The following GUCY1A2 variants were observed in gnomAD, a reference collection of about 807,000 sequenced individuals.
GUCY1A2 encodes the protein guanylate cyclase soluble subunit alpha-2.
GUCY1A2 carries 27 observed loss-of-function variants against 63.5 expected under a neutral mutation model. That is an observed-to-expected ratio of 0.43 (90% CI 0.31 to 0.59). The LOEUF is 0.59. GUCY1A2 is among the 20% of genes least tolerant of loss of function. The pLI is 0.11. For missense variants in GUCY1A2, 768 were observed against 913.3 expected (o/e 0.84, Z 2.05); for synonymous variants, 364 against 343.5 (o/e 1.06, Z -0.66).
intron 6 of GUCY1A2, among the ~76,000 whole-genome samples, chr11:106,741,975 G>T (rs1863702460): frequency 6.6e-6 from 1 of 152,118 alleles, no homozygotes; most frequent in Non-Finnish European, 1.5e-5. Context: ...TGTATAACAA[G>T]GCTGTTCATT....
chr11:106,925,159 G>A (rs1015476779), intron 4 of GUCY1A2, among the ~76,000 whole-genome samples: 1 of 151,256 alleles, frequency 6.6e-6, no homozygotes, highest in Non-Finnish European at 1.5e-5. Flanking sequence ...GTTTTCAAAA[G>A]AGAGAGAGAG....
intron 4 of GUCY1A2, among the ~76,000 whole-genome samples, chr11:106,898,176 T>G (rs1325379916): frequency 6.6e-6 from 1 of 152,042 alleles, no homozygotes; most frequent in Non-Finnish European, 1.5e-5. Flanking sequence ...ATGGCCAAAA[T>G]CCAGAACACT....
At chr11:106,770,770 T>C (rs535752774) in intron 6 of GUCY1A2, among the ~76,000 whole-genome samples, 9 of 151,484 alleles carry the variant, frequency 5.9e-5, no homozygotes, top group Admixed American at 2.6e-4. Context: ...ACAATACATG[T>C]AAATTGCACA....
At chr11:106,725,362 C>T (rs1225986489) in intron 6 of GUCY1A2, among the ~76,000 whole-genome samples, 3 of 123,972 alleles carry the variant, frequency 2.4e-5, no homozygotes, top group East Asian at 2.1e-4. Flanking sequence ...TTAGTAGAGA[C>T]GGGGTTTCAC....
intron 3 of GUCY1A2, among the ~76,000 whole-genome samples, chr11:106,958,504 A>G (rs558333936): frequency 1.4e-4 from 21 of 152,236 alleles, no homozygotes; most frequent in African/African-American, 4.8e-4. Flanking sequence ...GAAGTCCTTT[A>G]AAGTATCTGA....
At position 106,807,143 on chromosome 11, in the gene GUCY1A2, A is replaced by C. The variant is rs116656406; in HGVS notation, c.1692+2850T>G. ...TCTCTGTGGTATGGTTATTCTACAT[A>C]ATTACCCAAATTCTATACATACTTT... On this transcript the variant is annotated intron_variant, in intron 5 of 7. Transcript: ENST00000526355. Among the ~76,000 whole-genome samples the C allele has an allele frequency of 8.4e-3, 1,283 of 152,226 alleles. 19 individuals are homozygous for C. Among genetic ancestry groups the C allele is most frequent in the African/African-American group, 0.03 (1,244 of 41,544 alleles).
chr11:106,931,143 G>A (rs1591332121), intron 4 of GUCY1A2, among the ~76,000 whole-genome samples: 1 of 152,142 alleles, frequency 6.6e-6, no homozygotes, highest in African/African-American at 2.4e-5. Context: ...TATCTAGAAT[G>A]TATATTTTTA....
chr11:106,895,828 A>G (rs1267867887), intron 4 of GUCY1A2, among the ~76,000 whole-genome samples: 2 of 152,044 alleles, frequency 1.3e-5, no homozygotes, highest in Non-Finnish European at 2.9e-5. Context: ...GATATATCTT[A>G]TAACATAAAT....
At chr11:106,764,449 C>T (rs1304165079) in intron 6 of GUCY1A2, among the ~76,000 whole-genome samples, 3 of 152,006 alleles carry the variant, frequency 2.0e-5, no homozygotes, top group Non-Finnish European at 1.5e-5. Flanking sequence ...ATATTATTTA[C>T]TCTTGACAAA....
chr11:106,966,797 A>G (rs1861131929), intron 3 of GUCY1A2, among the ~76,000 whole-genome samples: 1 of 152,208 alleles, frequency 6.6e-6, no homozygotes, highest in Admixed American at 6.5e-5. Flanking sequence ...TGGCAACTGG[A>G]ATATTAAGCT....
chr11:106,864,160 C>T (rs1285314295), intron 4 of GUCY1A2, among the ~76,000 whole-genome samples: 1 of 151,664 alleles, frequency 6.6e-6, no homozygotes, highest in Non-Finnish European at 1.5e-5. Context: ...CACGTGTATA[C>T]CTATGTAACA....
At chr11:106,988,822 C>G (rs537444811) in intron 1 of GUCY1A2, among the ~76,000 whole-genome samples, 2 of 152,314 alleles carry the variant, frequency 1.3e-5, no homozygotes, top group East Asian at 1.9e-4. Flanking sequence ...ATCTTATCAC[C>G]ATGGATTCAT....
intron 4 of GUCY1A2, among the ~76,000 whole-genome samples, chr11:106,840,319 G>A (rs1189258831): frequency 6.6e-6 from 1 of 151,922 alleles, no homozygotes; most frequent in East Asian, 1.9e-4. Context: ...TGATTGACAG[G>A]ATCCCCAGTA....
chr11:106,750,183 G>C (rs1310479077), intron 6 of GUCY1A2, among the ~76,000 whole-genome samples: 1 of 152,074 alleles, frequency 6.6e-6, no homozygotes, highest in African/African-American at 2.4e-5. Context: ...CATGGAGTCT[G>C]GTATCTATGG....
At position 106,978,732 on chromosome 11, in the gene GUCY1A2, T is replaced by A; in HGVS notation, c.374A>T (p.Asp125Val). ...YYEHQVIGYR[D>V]AEKNFHNISN... ...GATATTGTGGAAATTCTTTTCTGCATCCCTGTAACTAAGAAGAAAACAAAA... is the reference window on the plus strand; with the variant it reads ...GATATTGTGGAAATTCTTTTCTGCAACCCTGTAACTAAGAAGAAAACAAAA... Residue 125 changes from aspartate to valine, a missense_variant, in exon 3 of 8, where the codon GAT (aspartate) becomes GTT (valine). Asp to Val is a radical substitution (Grantham distance 152). Coordinates refer to ENST00000526355, the MANE Select transcript of GUCY1A2 (RefSeq NM_000855.3). The A allele has an allele frequency of 1.3e-6, 2 of 1,595,076 alleles. No individual in the cohort carries two copies. Among genetic ancestry groups the A allele is most frequent in the Non-Finnish European group, 1.7e-6 (2 of 1,172,614 alleles).
At chr11:106,720,034 C>CA (rs899023349) in intron 6 of GUCY1A2, among the ~76,000 whole-genome samples, 16 of 152,122 alleles carry the variant, frequency 1.1e-4, no homozygotes, top group Admixed American at 3.3e-4. Flanking sequence ...CTGAAGTTAT[C>CA]AAAAAAATAT....
chr11:106,839,348 G>A (rs1385930844), intron 4 of GUCY1A2, among the ~76,000 whole-genome samples: 1 of 152,086 alleles, frequency 6.6e-6, no homozygotes, highest in East Asian at 2.0e-4. Context: ...TCATTAAAAA[G>A]TCAGGGAACA....
intron 1 of GUCY1A2, 102 bp from the exon 2 acceptor site, chr11:106,986,233 TGA>T (rs925152778): frequency 2.4e-5 from 16 of 674,026 alleles, no homozygotes; most frequent in Admixed American, 9.6e-5. Context: ...ATTTATCTCT[TGA>T]GAGTTTTCCT....
chr11:106,895,798 A>T (rs1035235188), intron 4 of GUCY1A2, among the ~76,000 whole-genome samples: 1 of 152,138 alleles, frequency 6.6e-6, no homozygotes, highest in Non-Finnish European at 1.5e-5. Flanking sequence ...AGACATTACA[A>T]GAAAAGAAAA....
Sources: allele counts gnomAD v4.1 joint callset (sites outside exome capture counted in the v4.1 genomes callset), GRCh38; gene constraint gnomAD v4.1.1; transcripts MANE v1.5; gene names NCBI Gene and HGNC (gene_info 2026-07-23, HGNC 2026-07-21).